AUTS2: variants seen among roughly 807,000 people sequenced by gnomAD.
AUTS2 encodes activator of transcription and developmental regulator AUTS2, also known as autism susceptibility gene 2 protein.
AUTS2 carries 17 observed loss-of-function variants against 112.4 expected under a neutral mutation model. The ratio of observed to expected loss-of-function variants is 0.15; its 90% confidence interval spans 0.10 to 0.23. The LOEUF (loss-of-function observed/expected upper bound fraction) is 0.23, where lower values mean the gene tolerates loss of function less well. Among genes scored for constraint, AUTS2 ranks in the 10% least tolerant of loss-of-function variants. The pLI is 1.00. For missense variants in AUTS2, 1,510 were observed against 1,701.6 expected (o/e 0.89, Z 1.98); for synonymous variants, 751 against 702.7 (o/e 1.07, Z -1.09).
In AUTS2 at chr7:70,454,596, G is replaced by A. The variant is rs887144229; in HGVS notation, c.690+18815G>A. Among the ~76,000 whole-genome samples, 10 of 152,154 alleles carry A rather than the reference G, an allele frequency of 6.6e-5. No homozygotes were observed. The South Asian group carries it at 8.3e-4, about 13-fold the overall frequency. The stretch of plus-strand genomic sequence containing the variant: ...TAAAATACCTAGAATGATGTGGCCC[G>A]TAATAGTAACTACTCGGGCCGGGCA... On this transcript the variant is annotated intron_variant, in intron 5 of 18. Coordinates refer to ENST00000342771, the MANE Select transcript of AUTS2 (RefSeq NM_015570.4).
Position 69,779,039 on chromosome 7 carries a change from C to A in AUTS2, c.310-120247C>A, listed in dbSNP as rs1246130150. Among the ~76,000 whole-genome samples the A allele has an allele frequency of 3.9e-5, 4 of 103,510 alleles. No individual in the cohort carries two copies. In the South Asian group the frequency reaches 1.4e-3, roughly 37 times the overall value. 67.9% of individuals were successfully genotyped at this position (103,510 alleles called of 152,430 possible). The stretch of plus-strand genomic sequence containing the variant: ...GAAAGTACTACACATAGTTGTGAGC[C>A]TTTTTTTTTTTAAAAAAAAAAAAAA... On this transcript the variant is annotated intron_variant, in intron 1 of 18. Transcript: ENST00000342771.
chr7:70,037,019 A>G (rs1170000007), intron 2 of AUTS2, among the ~76,000 whole-genome samples: 1 of 152,224 alleles, frequency 6.6e-6, no homozygotes, highest in East Asian at 1.9e-4. Flanking sequence ...TTTTAAAAAA[A>G]TAATTATATT....
chr7:69,809,756 A>G (rs1010505550), intron 1 of AUTS2, among the ~76,000 whole-genome samples: 3 of 152,176 alleles, frequency 2.0e-5, no homozygotes, highest in Non-Finnish European at 2.9e-5. Context: ...ACATGCCCCA[A>G]TAGGTACAAC....
chr7:69,843,103 T>C (rs1792051773), intron 1 of AUTS2, among the ~76,000 whole-genome samples: 1 of 152,100 alleles, frequency 6.6e-6, no homozygotes, highest in Non-Finnish European at 1.5e-5. Context: ...CTCTGAGCTG[T>C]CTGGAAGTAA....
rs17140754 is a variant in AUTS2, at chr7:69,647,291, A to G, written c.309+47329A>G. 5.5e-3 allele frequency among the ~76,000 whole-genome samples: 842 copies of G among 152,194 alleles called. 4 individuals are homozygous for G. Among genetic ancestry groups the G allele is most frequent in the Non-Finnish European group, 9.2e-3 (627 of 68,000 alleles). On this transcript the variant is annotated intron_variant, in intron 1 of 18. Transcript: ENST00000342771. ...AGAGGTCTTTTCCTATGCAAACATT[A>G]TTAGGATTCTAGAACCTGTGGCAGA... is the stretch of plus-strand genomic sequence containing the variant.
intron 1 of AUTS2, among the ~76,000 whole-genome samples, chr7:69,780,095 A>ATCC (rs1789083440): frequency 6.6e-6 from 1 of 152,060 alleles, no homozygotes; most frequent in Non-Finnish European, 1.5e-5. Context: ...GCCTCAAGTG[A>ATCC]TCCTCCCACT....
At chr7:70,125,356 C>T (rs768259139) in intron 3 of AUTS2, among the ~76,000 whole-genome samples, 3 of 151,948 alleles carry the variant, frequency 2.0e-5, no homozygotes, top group African/African-American at 7.3e-5. Flanking sequence ...TAATTTTTCC[C>T]CCATTCTGAC....
intron 4 of AUTS2, among the ~76,000 whole-genome samples, chr7:70,150,584 A>G (rs1001185180): frequency 6.6e-6 from 1 of 152,190 alleles, no homozygotes; most frequent in Non-Finnish European, 1.5e-5. Context: ...AGTGATAGAA[A>G]TCTAAGCTTA....
chr7:70,743,515 A>G (rs369913571), intron 6 of AUTS2, among the ~76,000 whole-genome samples: 3 of 151,720 alleles, frequency 2.0e-5, no homozygotes, highest in Admixed American at 6.6e-5. Flanking sequence ...CAAACTCACC[A>G]AAGTGGCTAT....
intron 1 of AUTS2, among the ~76,000 whole-genome samples, chr7:69,822,459 G>A (rs7801117): frequency 0.35 from 52,633 of 151,980 alleles, 9,633 homozygotes; most frequent in African/African-American, 0.46. Context: ...ATCTCCAAAA[G>A]CAAAAGATTT....
intron 1 of AUTS2, among the ~76,000 whole-genome samples, chr7:69,681,976 T>A (rs1186073402): frequency 6.6e-6 from 1 of 152,196 alleles, no homozygotes; most frequent in Non-Finnish European, 1.5e-5. Flanking sequence ...TGTAACAAAC[T>A]GTTGTTTCAC....
chr7:69,816,002 T>C (rs562542069), intron 1 of AUTS2, among the ~76,000 whole-genome samples: 1 of 152,316 alleles, frequency 6.6e-6, no homozygotes, highest in Admixed American at 6.5e-5. Context: ...AGTATGAATC[T>C]AGCCAAGAAA....
intron 10 of AUTS2, among the ~76,000 whole-genome samples, chr7:70,770,188 C>T (rs1200807922): frequency 1.3e-5 from 2 of 152,186 alleles, no homozygotes; most frequent in Admixed American, 6.5e-5. Flanking sequence ...ACTCAAGTAT[C>T]TAAAACACAA....
chr7:70,447,153 C>G (rs1294410668), intron 5 of AUTS2, among the ~76,000 whole-genome samples: 2 of 152,324 alleles, frequency 1.3e-5, no homozygotes, highest in East Asian at 1.9e-4. Flanking sequence ...TGGCAGAACC[C>G]ACGTCCAGCC....
At chr7:69,760,141 C>T (rs1010783193) in intron 1 of AUTS2, among the ~76,000 whole-genome samples, 1 of 148,096 alleles carries the variant, frequency 6.8e-6, no homozygotes, top group Non-Finnish European at 1.5e-5. Context: ...GTTACACTAA[C>T]ACCAGAACTT....
intron 4 of AUTS2, among the ~76,000 whole-genome samples, chr7:70,239,747 T>C (rs1215840641): frequency 6.6e-6 from 1 of 152,194 alleles, no homozygotes; most frequent in Non-Finnish European, 1.5e-5. Context: ...TGCAACCTAA[T>C]TTTTAAGGAG....
chr7:69,746,400 T>C (rs1327902686), intron 1 of AUTS2, among the ~76,000 whole-genome samples: 1 of 152,160 alleles, frequency 6.6e-6, no homozygotes, highest in African/African-American at 2.4e-5. Context: ...AGTAAATATT[T>C]GGTATCTCTG....
chr7:70,141,806 A>G (rs1355555983), intron 4 of AUTS2, among the ~76,000 whole-genome samples: 2 of 152,220 alleles, frequency 1.3e-5, no homozygotes, highest in Non-Finnish European at 2.9e-5. Flanking sequence ...GTGAGCCAGG[A>G]GCAGACACAC....
At chr7:69,828,460 A>G (rs1169429130) in intron 1 of AUTS2, among the ~76,000 whole-genome samples, 2 of 152,058 alleles carry the variant, frequency 1.3e-5, no homozygotes, top group Non-Finnish European at 2.9e-5. Flanking sequence ...CTTTGATGAT[A>G]TTGTGGAGCT....
Sources: allele counts gnomAD v4.1 joint callset (sites outside exome capture counted in the v4.1 genomes callset), GRCh38; gene constraint gnomAD v4.1.1; transcripts MANE v1.5; gene names NCBI Gene and HGNC (gene_info 2026-07-23, HGNC 2026-07-21).